Variants in DNHD1 observed in about 807,000 individuals in gnomAD.
DNHD1 encodes the protein dynein heavy chain domain 1.
In DNHD1, 383 loss-of-function variants were observed where a neutral mutation model predicts 458.1. The observed-to-expected ratio is 0.84, with a 90% confidence interval of 0.77 to 0.91. The LOEUF (loss-of-function observed/expected upper bound fraction) is 0.91, where lower values mean the gene tolerates loss of function less well. Ranked by LOEUF, DNHD1 falls within the 40% of genes least tolerant of loss-of-function variation. The probability of loss-of-function intolerance (pLI) is 0.00; values close to 1 mark genes in which losing one functional copy is unlikely to be tolerated. For synonymous variants in DNHD1, 2,203 were observed against 2,376.9 expected, an observed-to-expected ratio of 0.93 and a Z score of 2.13; for missense variants, 5,336 against 5,866.1, an observed-to-expected ratio of 0.91 and a Z score of 2.95.
rs1039102431 is a variant in DNHD1 at position 6,533,932 on chromosome 11, A to G, written c.2757A>G (p.Lys919=). ...LDMWEAFQFE[K]SQASEFLLSK... ...TGTGGGAGGCATTTCAGTTTGAGAA[A>G]AGCCAGGCTTCAGAGTTCCTGCTCA... The change falls in exon 14 of 43, where the codon AAA becomes AAG. Residue 919 remains lysine, a synonymous_variant. Coordinates refer to ENST00000254579, the MANE Select transcript of DNHD1 (RefSeq NM_144666.3). 1 of 1,551,282 alleles carries G rather than the reference A, an allele frequency of 6.4e-7. No homozygotes were observed. The highest frequency in any genetic ancestry group is 1.2e-5 in the South Asian group (1 of 84,008).
At chr11:6,542,858 T>C (rs747389356) in intron 18 of DNHD1, among the ~76,000 whole-genome samples, 3 of 152,256 alleles carry the variant, frequency 2.0e-5, no homozygotes, top group Non-Finnish European at 2.9e-5. Context: ...GTGCTTTTTA[T>C]GTATCATGTT....
Position 6,533,153 on chromosome 11 carries a change from A to G in DNHD1, c.2474A>G (p.Asp825Gly). Residue 825 changes from aspartate (D) to glycine (G), a missense_variant, in exon 13 of 43, where the codon GAT becomes GGT. Physicochemically the swap from Asp to Gly is moderately conservative, Grantham distance 94. Transcript: ENST00000254579. ...CATATCTTCCGAACCATCAACTCAGATATTCATGCCATTGCACAGTGCACC... is the reference window on the plus strand; with the variant it reads ...CATATCTTCCGAACCATCAACTCAGGTATTCATGCCATTGCACAGTGCACC... Reference protein sequence around the residue: ...FMHIFRTINSDIHAIAQCTQK... With the variant: ...FMHIFRTINSGIHAIAQCTQK... 1 of 1,551,598 alleles carries G rather than the reference A, an allele frequency of 6.4e-7. No homozygotes were observed. The highest frequency in any genetic ancestry group is 8.7e-7 in the Non-Finnish European group (1 of 1,146,958).
intron 28 of DNHD1, 59 bp downstream of exon 28, chr11:6,559,342 T>C: frequency 7.0e-7 from 1 of 1,429,252 alleles, no homozygotes; most frequent in Middle Eastern, 1.8e-4. Flanking sequence ...CAAAGGGGAC[T>C]TGAAAGGAAG....
chr11:6,543,857 A>G (rs1853150080), intron 18 of DNHD1, among the ~76,000 whole-genome samples: 1 of 143,560 alleles, frequency 7.0e-6, no homozygotes, highest in South Asian at 2.4e-4. Flanking sequence ...GCTACTCAGG[A>G]GGCTGAGGCA....
chr11:6,549,972 TGTTGGA>T (rs1274757825), intron 24 of DNHD1, among the ~76,000 whole-genome samples: 1 of 152,196 alleles, frequency 6.6e-6, no homozygotes, highest in East Asian at 1.9e-4. Flanking sequence ...AGGTAGAGGT[TGTTGGA>T]GTCAAGGAAG....
Position 6,563,873 on chromosome 11 carries a change from C to T in DNHD1, c.10033C>T (p.Pro3345Ser), listed in dbSNP as rs905952855. 5 of 1,551,586 alleles carry T rather than the reference C, an allele frequency of 3.2e-6. No individual in the cohort carries two copies. Among genetic ancestry groups the T allele is most frequent in the East Asian group, 4.9e-5 (2 of 40,932 alleles). The change falls in exon 31 of 43, where the codon CCC becomes TCC. Residue 3345 changes from proline to serine, a missense_variant. Around this residue, in one of 4 missense-constraint regions of DNHD1, gnomAD observed 3,932 missense variants for 4,365.6 expected, o/e 0.90. Transcript: ENST00000254579. ...TGGGCTGGCGCATTGCCGGGGACTG[C>T]CCACGGACCTGCTGCTGCAGCAAGT... ...HYGLAHCRGL[P>S]TDLLLQQVEA...
intron 10 of DNHD1, among the ~76,000 whole-genome samples, chr11:6,527,957 C>G (rs12801797): frequency 0.17 from 26,524 of 152,256 alleles, 2,437 homozygotes; most frequent in Middle Eastern, 0.23. Context: ...CTCCTCTGTT[C>G]TGCAGATGCC....
At chr11:6,501,736 T>C (rs762721534) in intron 3 of DNHD1, among the ~76,000 whole-genome samples, 8 of 152,158 alleles carry the variant, frequency 5.3e-5, no homozygotes, top group Non-Finnish European at 1.2e-4. Flanking sequence ...AGCCCACAGC[T>C]GATTGGACAC....
At chr11:6,543,985 A>C (rs1007431660) in intron 18 of DNHD1, 136 bp from the exon 19 acceptor site, 1 of 477,406 alleles carries the variant, frequency 2.1e-6, no homozygotes, top group Non-Finnish European at 3.4e-6. Flanking sequence ...AAAAAAAAAA[A>C]GGGAAAGAAA....
chr11:6,566,811 C>A, intron 35 of DNHD1, 46 bp downstream of exon 35: 1 of 1,599,862 alleles, frequency 6.3e-7, no homozygotes, highest in Non-Finnish European at 8.5e-7. Flanking sequence ...ATTGGATGGA[C>A]CTGGGTAAGG....
chr11:6,550,947 A>G (rs1357826090), intron 24 of DNHD1, among the ~76,000 whole-genome samples: 1 of 152,214 alleles, frequency 6.6e-6, no homozygotes, highest in East Asian at 1.9e-4. Context: ...ACAATAACTG[A>G]TAAGACAAGG....
At chr11:6,514,000 C>G (rs112610697) in intron 7 of DNHD1, among the ~76,000 whole-genome samples, 1 of 152,086 alleles carries the variant, frequency 6.6e-6, no homozygotes, top group South Asian at 2.1e-4. Context: ...CCTGCCACCA[C>G]GCCCGACTAA....
chr11:6,539,462 C>A, intron 17 of DNHD1, 149 bp downstream of exon 17: 1 of 644,088 alleles, frequency 1.6e-6, no homozygotes, highest in African/African-American at 1.8e-5. Flanking sequence ...TTCTTTAAGT[C>A]TCCAGATGGG....
chr11:6,517,290 A>G (rs1316091725), intron 7 of DNHD1, among the ~76,000 whole-genome samples: 2 of 152,244 alleles, frequency 1.3e-5, no homozygotes, highest in African/African-American at 4.8e-5. Flanking sequence ...AGATTCCCAG[A>G]ACTTGTTCAT....
At chr11:6,542,085 A>C (rs987784899) in intron 18 of DNHD1, among the ~76,000 whole-genome samples, 2 of 152,196 alleles carry the variant, frequency 1.3e-5, no homozygotes, top group African/African-American at 4.8e-5. Context: ...GATAAATGGC[A>C]CCCAGCCCCC....
At chr11:6,553,817 A>C (rs1853409672) in intron 24 of DNHD1, among the ~76,000 whole-genome samples, 1 of 152,198 alleles carries the variant, frequency 6.6e-6, no homozygotes, top group Non-Finnish European at 1.5e-5. Context: ...ACTGAAAATG[A>C]CTAAATATTG....
At chr11:6,515,933 G>T (rs1296964750) in intron 7 of DNHD1, among the ~76,000 whole-genome samples, 1 of 151,652 alleles carries the variant, frequency 6.6e-6, no homozygotes, top group Non-Finnish European at 1.5e-5. Flanking sequence ...CTACAGACAT[G>T]GGCCACCGTA....
chr11:6,519,914 A>G (rs747158555), intron 8 of DNHD1, 51 bp from the exon 9 acceptor site: 137 of 1,613,174 alleles, frequency 8.5e-5, no homozygotes, highest in Non-Finnish European at 1.1e-4. Flanking sequence ...ATGCTGAGGA[A>G]TGTATACTGA....
At chr11:6,518,403 T>C (rs1035376646) in intron 7 of DNHD1, among the ~76,000 whole-genome samples, 2 of 152,188 alleles carry the variant, frequency 1.3e-5, no homozygotes, top group Admixed American at 1.3e-4. Flanking sequence ...TCACCCCTAG[T>C]ATTGGTGCTT....
Sources: gnomAD v4.1 joint callset for allele counts (sites outside exome capture counted in the v4.1 genomes callset) on GRCh38, gnomAD v4.1.1 for gene constraint, gnomAD v4.1.1 regional missense constraint, MANE v1.5 for transcripts, NCBI Gene and HGNC (gene_info 2026-07-23, HGNC 2026-07-21) for gene names.